Variants in SLC44A5 observed in about 807,000 individuals in gnomAD.
SLC44A5 encodes the protein choline transporter-like protein 5.
A neutral mutation model predicts 101.8 loss-of-function variants in SLC44A5; 57 were observed. That is an observed-to-expected ratio of 0.56 (90% CI 0.45 to 0.70). The LOEUF is 0.70. Among genes scored for constraint, SLC44A5 ranks in the 30% least tolerant of loss-of-function variants. The pLI is 0.00. For missense variants in SLC44A5, 737 were observed against 853.1 expected, an observed-to-expected ratio of 0.86 and a Z score of 1.70; for synonymous variants, 281 against 290.9, an observed-to-expected ratio of 0.97 and a Z score of 0.35.
At chr1:75,627,750 T>A in the SLC44A5 span, among the ~76,000 whole-genome samples, 1 of 151,816 alleles carries the variant, frequency 6.6e-6, no homozygotes, top group African/African-American at 2.4e-5. Context: ...TACTTTTTAA[T>A]TGAAGAGCTG....
chr1:75,427,275 T>C (rs1035156421), intron 2 of SLC44A5, among the ~76,000 whole-genome samples: 2 of 152,200 alleles, frequency 1.3e-5, no homozygotes, highest in African/African-American at 4.8e-5. Flanking sequence ...TGGGCAAATA[T>C]GTTTTAAAGT....
At chr1:75,597,187 C>CAAA (rs36100438) in intron 1 of SLC44A5, among the ~76,000 whole-genome samples, 8 of 102,972 alleles carry the variant, frequency 7.8e-5, no homozygotes, top group Non-Finnish European at 1.2e-4. Context: ...GACTTTGTCT[C>CAAA]AAAAAAAAAA....
intron 2 of SLC44A5, among the ~76,000 whole-genome samples, chr1:75,512,807 G>T (rs188723108): frequency 6.7e-6 from 1 of 148,476 alleles, no homozygotes; most frequent in East Asian, 1.9e-4. Context: ...GGATGGGAAA[G>T]AAATAGCTAT....
intron 2 of SLC44A5, among the ~76,000 whole-genome samples, chr1:75,412,662 T>C (rs561314239): frequency 2.6e-5 from 4 of 152,318 alleles, no homozygotes; most frequent in Non-Finnish European, 5.9e-5. Flanking sequence ...TGTCATCAGC[T>C]GAGTTTAAAA....
intron 1 of SLC44A5, among the ~76,000 whole-genome samples, chr1:75,598,579 G>A (rs932485403): frequency 5.9e-5 from 9 of 152,170 alleles, no homozygotes; most frequent in African/African-American, 2.2e-4. Flanking sequence ...ATACACCATG[G>A]AATACTATGC....
At chr1:75,245,379 T>C (rs1012791495) in intron 7 of SLC44A5, among the ~76,000 whole-genome samples, 4 of 152,116 alleles carry the variant, frequency 2.6e-5, no homozygotes, top group African/African-American at 9.7e-5. Context: ...TTTTAGAAGG[T>C]TAAGATGATT....
intron 2 of SLC44A5, among the ~76,000 whole-genome samples, chr1:75,435,815 A>G (rs1176591328): frequency 1.2e-4 from 19 of 152,016 alleles, no homozygotes; most frequent in Non-Finnish European, 5.9e-5. Flanking sequence ...TTTAAAACCC[A>G]TGTCTTTGTA....
rs998522515 is a variant in SLC44A5 at position 75,289,299 on chromosome 1, C to A, written c.175+11313G>T. On this transcript the variant is annotated intron_variant, in intron 5 of 23. Transcript: ENST00000370859. ...ACAAGATAGTTTATGGGGCCTGTGG[C>A]AAATCTCTATTAGAGAGTCACAGTA... 2.6e-5 allele frequency among the ~76,000 whole-genome samples: 4 copies of A among 152,096 alleles called. No individual in the cohort carries two copies. The East Asian group carries it at 7.7e-4, about 29-fold the overall frequency.
intron 1 of SLC44A5, among the ~76,000 whole-genome samples, chr1:75,585,389 C>T (rs1673934930): frequency 6.6e-6 from 1 of 152,120 alleles, no homozygotes; most frequent in South Asian, 2.1e-4. Context: ...TATACTATAT[C>T]AAAAACCATA....
upstream of SLC44A5, among the ~76,000 whole-genome samples, chr1:75,613,746 GC>G (rs1351003688): frequency 6.6e-6 from 1 of 152,210 alleles, no homozygotes; most frequent in Non-Finnish European, 1.5e-5. Context: ...ACACTTAACT[GC>G]TATTCTTCAA....
chr1:75,444,581 T>C (rs1452564182), intron 2 of SLC44A5, among the ~76,000 whole-genome samples: 1 of 141,726 alleles, frequency 7.1e-6, no homozygotes, highest in Non-Finnish European at 1.5e-5. Context: ...TTTTGCTTTG[T>C]TTTTTTTTTA....
chr1:75,393,373 C>T (rs1055537132), intron 3 of SLC44A5, among the ~76,000 whole-genome samples: 2 of 152,102 alleles, frequency 1.3e-5, no homozygotes, highest in African/African-American at 2.4e-5. Flanking sequence ...TATGCCCATA[C>T]ATATGTATAC....
intron 5 of SLC44A5, among the ~76,000 whole-genome samples, chr1:75,284,323 T>C (rs1172462843): frequency 6.6e-6 from 1 of 152,130 alleles, no homozygotes; most frequent in Non-Finnish European, 1.5e-5. Flanking sequence ...TGTATAGCAG[T>C]GCTACTAATT....
intron 2 of SLC44A5, among the ~76,000 whole-genome samples, chr1:75,468,036 C>T (rs934436690): frequency 6.6e-6 from 1 of 151,316 alleles, no homozygotes; most frequent in Non-Finnish European, 1.5e-5. Context: ...AGACATTTCT[C>T]AAAAAAAAGG....
At chr1:75,423,183 C>A (rs1243826347) in intron 2 of SLC44A5, among the ~76,000 whole-genome samples, 1 of 152,146 alleles carries the variant, frequency 6.6e-6, no homozygotes, top group Non-Finnish European at 1.5e-5. Context: ...GGAATGAATA[C>A]CTATAGCAAT....
At chr1:75,308,095 T>G (rs1655040927) in intron 4 of SLC44A5, among the ~76,000 whole-genome samples, 1 of 152,194 alleles carries the variant, frequency 6.6e-6, no homozygotes, top group South Asian at 2.1e-4. Context: ...GATTATTATT[T>G]TTAACACATT....
intron 2 of SLC44A5, among the ~76,000 whole-genome samples, chr1:75,477,235 A>G (rs1667476461): frequency 6.6e-6 from 1 of 152,344 alleles, no homozygotes; most frequent in Middle Eastern, 3.4e-3. Context: ...AAGGACATCC[A>G]CGCCAAAAAC....
At position 75,566,544 on chromosome 1, in the gene SLC44A5, G is replaced by A. The variant is rs148877524; in HGVS notation, c.-69-25028C>T. Among the ~76,000 whole-genome samples, 867 of 152,286 alleles carry A rather than the reference G, an allele frequency of 5.7e-3. 14 individuals carry two copies. The highest frequency in any genetic ancestry group is 0.035 in the Admixed American group (532 of 15,280). On this transcript the variant is annotated intron_variant, in intron 1 of 23. Transcript: ENST00000370859. ...TTTTTATTATCTCTAACAACTTTGT[G>A]TTAAAACCATTGTGAAAATGCAGCT...
At chr1:75,677,521 C>T in the SLC44A5 span, among the ~76,000 whole-genome samples, 1 of 151,834 alleles carries the variant, frequency 6.6e-6, no homozygotes, top group Admixed American at 6.6e-5. Context: ...AACATATCAT[C>T]AGATAAAAAC....
Sources: allele counts gnomAD v4.1 joint callset (sites outside exome capture counted in the v4.1 genomes callset), GRCh38; gene constraint gnomAD v4.1.1; transcripts MANE v1.5; gene names NCBI Gene and HGNC (gene_info 2026-07-23, HGNC 2026-07-21).